Variants in NFATC1 observed in about 807,000 individuals in gnomAD.
NFATC1 encodes nuclear factor of activated T cells 1.
Under a neutral mutation model 76.0 loss-of-function variants are expected in NFATC1, and 22 were observed. That is an observed-to-expected ratio of 0.29 (90% CI 0.21 to 0.41). NFATC1 has a LOEUF of 0.41. NFATC1 is among the 10% of genes least tolerant of loss of function. NFATC1 has a pLI of 1.00. For missense variants in NFATC1, 1,357 were observed against 1,337.7 expected, an observed-to-expected ratio of 1.01 and a Z score of -0.23; for synonymous variants, 704 against 613.1, an observed-to-expected ratio of 1.15 and a Z score of -2.19.
At chr18:79,434,170 G>A (rs968334254) in intron 3 of NFATC1, among the ~76,000 whole-genome samples, 5 of 152,256 alleles carry the variant, frequency 3.3e-5, no homozygotes, top group African/African-American at 1.2e-4. Context: ...GTGCTGGGGG[G>A]CACCAGGGCT....
chr18:79,521,399 CTG>C (rs1313074489), intron 9 of NFATC1, among the ~76,000 whole-genome samples: 2 of 59,942 alleles, frequency 3.3e-5, no homozygotes, highest in African/African-American at 7.0e-5. Flanking sequence ...ATGTGTGTGT[CTG>C]TGTGTGTGTG....
intron 6 of NFATC1, 113 bp downstream of exon 6, chr18:79,451,929 G>A: frequency 2.2e-6 from 3 of 1,353,770 alleles, no homozygotes; most frequent in East Asian, 2.5e-5. Context: ...CGGGGCTTAT[G>A]GGGTGTGGCA....
chr18:79,403,199 G>A (rs1174067562), intron 1 of NFATC1, among the ~76,000 whole-genome samples: 1 of 152,266 alleles, frequency 6.6e-6, no homozygotes, highest in Non-Finnish European at 1.5e-5. Flanking sequence ...CTGGACTTAG[G>A]TCCAGGCTGC....
At chr18:79,435,277 C>G (rs2086731204) in intron 3 of NFATC1, among the ~76,000 whole-genome samples, 1 of 151,468 alleles carries the variant, frequency 6.6e-6, no homozygotes, top group African/African-American at 2.4e-5. Context: ...GAGGCTGTTA[C>G]TTGGAGGGTA....
rs1356382883 is a variant in NFATC1 at position 79,432,851 on chromosome 18, T to G, written c.1227-728T>G. On this transcript the variant is annotated intron_variant, in intron 2 of 9. Transcript: ENST00000427363. ...CACCTTAGCCTTTCACACCAAACAT[T>G]CATCTCCTGAAAAGACAGGGGCCGT... Among the ~76,000 whole-genome samples, 15 of 148,284 alleles carry G rather than the reference T, an allele frequency of 1.0e-4. No individual in the cohort carries two copies. The East Asian group carries it at 2.4e-3, about 24-fold the overall frequency.
intron 8 of NFATC1, among the ~76,000 whole-genome samples, chr18:79,478,161 AG>A: frequency 7.3e-6 from 1 of 136,590 alleles, no homozygotes; most frequent in Non-Finnish European, 1.6e-5. Context: ...CTGCAGACAG[AG>A]CCCCCGAGGA....
intron 9 of NFATC1, among the ~76,000 whole-genome samples, chr18:79,526,141 C>G (rs3786224): frequency 0.053 from 8,026 of 152,310 alleles, 285 homozygotes; most frequent in Admixed American, 0.09. Context: ...GAAAGTGCCT[C>G]TGGTGAGGAG....
At chr18:79,451,321 CT>C (rs985300011) in intron 5 of NFATC1, among the ~76,000 whole-genome samples, 195 bp downstream of exon 5, 4 of 152,258 alleles carry the variant, frequency 2.6e-5, no homozygotes, top group African/African-American at 7.2e-5. Flanking sequence ...CCGGGGGCCC[CT>C]GGCGCTGGCT....
At chr18:79,419,815 G>T (rs944274660) in intron 2 of NFATC1, among the ~76,000 whole-genome samples, 1 of 152,254 alleles carries the variant, frequency 6.6e-6, no homozygotes, top group Non-Finnish European at 1.5e-5. Context: ...CCGGGCAGCC[G>T]CAGGGACTTC....
intron 3 of NFATC1, among the ~76,000 whole-genome samples, chr18:79,440,845 A>G (rs306872): frequency 0.08 from 12,146 of 151,280 alleles, 504 homozygotes; most frequent in South Asian, 0.12. Flanking sequence ...GCTGGGCGGG[A>G]CGGCTGCTTG....
At chr18:79,459,672 C>T (rs995396559) in intron 6 of NFATC1, among the ~76,000 whole-genome samples, 1 of 152,108 alleles carries the variant, frequency 6.6e-6, no homozygotes, top group Admixed American at 6.5e-5. Context: ...CTGTTGCGCC[C>T]GGGAGCTTCA....
chr18:79,416,285 T>C (rs1038746728), intron 2 of NFATC1, among the ~76,000 whole-genome samples: 3 of 152,368 alleles, frequency 2.0e-5, no homozygotes, highest in African/African-American at 2.4e-5. Context: ...AGGTGGACTC[T>C]GTCTTCTCTT....
At chr18:79,487,388 C>T (rs1021064856) in intron 9 of NFATC1, among the ~76,000 whole-genome samples, 7 of 152,192 alleles carry the variant, frequency 4.6e-5, no homozygotes, top group African/African-American at 1.2e-4. Context: ...GTGACGAGCA[C>T]GTTACCCCGT....
intron 9 of NFATC1, among the ~76,000 whole-genome samples, chr18:79,506,294 C>T (rs1434085225): frequency 6.6e-6 from 1 of 152,140 alleles, no homozygotes; most frequent in East Asian, 1.9e-4. Context: ...TGCGTGTCAG[C>T]CCCTCCCTCC....
chr18:79,520,389 A>G (rs1182390084), intron 9 of NFATC1, among the ~76,000 whole-genome samples: 1 of 142,932 alleles, frequency 7.0e-6, no homozygotes, highest in Non-Finnish European at 1.6e-5. Flanking sequence ...GGCGAGTGGC[A>G]GCTCCGACAT....
At chr18:79,440,136 G>A (rs184226831) in intron 3 of NFATC1, among the ~76,000 whole-genome samples, 333 of 152,286 alleles carry the variant, frequency 2.2e-3, no homozygotes, top group African/African-American at 7.2e-3. Context: ...AATACGAGGC[G>A]CATGAGTGTC....
At chr18:79,420,113 G>A (rs1463638091) in intron 2 of NFATC1, among the ~76,000 whole-genome samples, 6 of 152,188 alleles carry the variant, frequency 3.9e-5, no homozygotes, top group Admixed American at 1.3e-4. Flanking sequence ...TGCATGCTGC[G>A]TTCCATCAGC....
chr18:79,463,913 G>C (rs370570977), intron 7 of NFATC1, among the ~76,000 whole-genome samples: 1 of 152,222 alleles, frequency 6.6e-6, no homozygotes, highest in African/African-American at 2.4e-5. Flanking sequence ...AGGAGGAGCC[G>C]TGAGCCTTTC....
At position 79,396,035 on chromosome 18, in the gene NFATC1, C is replaced by A. The variant is rs889437165; in HGVS notation, c.-190C>A. On this transcript the variant is annotated 5_prime_UTR_variant, in exon 1 of 10. Coordinates refer to ENST00000427363, the MANE Select transcript of NFATC1 (RefSeq NM_001278669.2). ...GGGCGCGGGCAGGGCTCGGAGCCAC[C>A]GCGCAGGTCCTAGGGCCGCGGCCGG... The A allele has an allele frequency of 7.0e-5, 39 of 554,964 alleles. No homozygotes were observed. In the African/African-American group the frequency reaches 7.3e-4, roughly 10 times the overall value. 34.4% of individuals were successfully genotyped at this position (554,964 alleles called of 1,614,324 possible).
Sources: allele counts gnomAD v4.1 joint callset (sites outside exome capture counted in the v4.1 genomes callset), GRCh38; gene constraint gnomAD v4.1.1; transcripts MANE v1.5; gene names NCBI Gene and HGNC (gene_info 2026-07-23, HGNC 2026-07-21).